The following DAB1 variants were observed in gnomAD, a reference collection of about 807,000 sequenced individuals.
DAB1 encodes disabled homolog 1.
Under a neutral mutation model 64.6 loss-of-function variants are expected in DAB1, and 15 were observed. The ratio of observed to expected loss-of-function variants is 0.23; its 90% CI spans 0.16 to 0.36. DAB1 has a LOEUF of 0.36. DAB1 is among the 10% of genes least tolerant of loss of function. The pLI is 1.00. For missense variants in DAB1, 596 were observed against 706.7 expected (o/e 0.84, Z 1.78); for synonymous variants, 235 against 251.9 (o/e 0.93, Z 0.64).
intron 3 of DAB1, among the ~76,000 whole-genome samples, chr1:58,441,471 G>A (rs1645007409): frequency 6.6e-6 from 1 of 152,222 alleles, no homozygotes; most frequent in African/African-American, 2.4e-5. Context: ...CCAAGGTCGA[G>A]TAATCAAGTC....
At chr1:57,562,448 T>C (rs1290165893) in intron 7 of DAB1, among the ~76,000 whole-genome samples, 2 of 152,212 alleles carry the variant, frequency 1.3e-5, no homozygotes, top group Non-Finnish European at 2.9e-5. Flanking sequence ...GGTCTTACCA[T>C]GTTCCCCATC....
At chr1:58,459,851 G>A (rs1424410421) in intron 3 of DAB1, among the ~76,000 whole-genome samples, 1 of 152,104 alleles carries the variant, frequency 6.6e-6, no homozygotes, top group Non-Finnish European at 1.5e-5. Flanking sequence ...GATGGTGCAT[G>A]CCTGTAATCC....
chr1:57,659,548 T>C (rs1646360151), intron 6 of DAB1, among the ~76,000 whole-genome samples: 1 of 152,210 alleles, frequency 6.6e-6, no homozygotes, highest in Non-Finnish European at 1.5e-5. Context: ...TTACTTGCTA[T>C]GTGACCTTGA....
At chr1:58,469,361 A>G (rs915656822) in intron 3 of DAB1, among the ~76,000 whole-genome samples, 22 of 152,196 alleles carry the variant, frequency 1.4e-4, no homozygotes, top group African/African-American at 4.6e-4. Flanking sequence ...ATTAAAAAAC[A>G]TGATGTAAGC....
chr1:57,064,728 G>A (rs574038721), intron 8 of DAB1, among the ~76,000 whole-genome samples: 2 of 151,886 alleles, frequency 1.3e-5, no homozygotes, highest in Non-Finnish European at 2.9e-5. Context: ...CACATCCTAT[G>A]TTCCCAGAAG....
chr1:57,135,929 C>T (rs1304783050), intron 4 of DAB1, among the ~76,000 whole-genome samples: 1 of 152,018 alleles, frequency 6.6e-6, no homozygotes, highest in African/African-American at 2.4e-5. Context: ...TTCCTCTTAC[C>T]CCAAATGAAC....
intron 1 of DAB1, among the ~76,000 whole-genome samples, chr1:57,837,427 C>T (rs1408562178): frequency 6.6e-6 from 1 of 152,092 alleles, no homozygotes; most frequent in Non-Finnish European, 1.5e-5. Flanking sequence ...TGGCCTGAAA[C>T]AGGGTTATTC....
chr1:58,487,716 T>C (rs1267008789), intron 3 of DAB1, among the ~76,000 whole-genome samples: 4 of 152,190 alleles, frequency 2.6e-5, no homozygotes, highest in Non-Finnish European at 5.9e-5. Context: ...ATTTGTAAAT[T>C]AGTAATTTGA....
rs1645436996 is a variant in DAB1 at position 57,590,773 on chromosome 1, CACACACACA to C, written n.625+58810_625+58818del. The stretch of plus-strand genomic sequence containing the variant: ...ACACACACACACACACACACACACA[CACACACACA>C]CCCCACTCACATATTCTTACCCTAT... On this transcript the variant is annotated intron_variant and non_coding_transcript_variant, in intron 7 of 20. Coordinates refer to the DAB1 transcript ENST00000485760. 1.3e-5 allele frequency among the ~76,000 whole-genome samples: 2 copies of C among 151,250 alleles called. 1 individual carries two copies. The highest frequency in any genetic ancestry group is 4.2e-4 in the South Asian group (2 of 4,804).
At chr1:57,430,830 G>A (rs1246042615) in intron 7 of DAB1, among the ~76,000 whole-genome samples, 1 of 151,446 alleles carries the variant, frequency 6.6e-6, no homozygotes, top group African/African-American at 2.4e-5. Context: ...AATAAGAAAG[G>A]TCTATCCTTT....
intron 7 of DAB1, among the ~76,000 whole-genome samples, chr1:57,627,104 T>C (rs1389132883): frequency 1.3e-5 from 2 of 152,138 alleles, no homozygotes; most frequent in South Asian, 2.1e-4. Context: ...AGGGCCTGAA[T>C]AGAACAAAAG....
intron 5 of DAB1, among the ~76,000 whole-genome samples, chr1:58,118,566 A>T (rs1652523125): frequency 1.8e-5 from 1 of 56,284 alleles, no homozygotes; most frequent in Non-Finnish European, 2.5e-5. Context: ...TATAAAATAC[A>T]TATATATATA....
downstream of DAB1, among the ~76,000 whole-genome samples, chr1:57,821,302 C>CATA (rs528221066): frequency 2.4e-4 from 36 of 151,962 alleles, no homozygotes; most frequent in Non-Finnish European, 1.8e-4. Context: ...AGATAGAGGG[C>CATA]ATAATAATAA....
intron 7 of DAB1, among the ~76,000 whole-genome samples, chr1:57,436,210 C>CGT (rs1685690239): frequency 1.3e-5 from 2 of 152,088 alleles, no homozygotes; most frequent in Non-Finnish European, 2.9e-5. Context: ...AGCCACCATG[C>CGT]CCGGCTGTGC....
In DAB1 at chr1:57,734,639, C is replaced by A. The variant is rs72664609; in HGVS notation, n.552-84974G>T. Among the ~76,000 whole-genome samples the A allele has an allele frequency of 8.3e-3, 1,270 of 152,320 alleles. 11 individuals are homozygous for A. Among genetic ancestry groups the A allele is most frequent in the Middle Eastern group, 0.017 (5 of 294 alleles). On this transcript the variant is annotated intron_variant and non_coding_transcript_variant, in intron 6 of 20. Transcript: ENST00000485760. ...GAACTTAAGTTTCAACTTCGCTTAA[C>A]CCTTGCTGATTCTTTTGGCCCTAGG...
chr1:58,510,602 C>T (rs1480241698), intron 2 of DAB1, among the ~76,000 whole-genome samples: 1 of 152,050 alleles, frequency 6.6e-6, no homozygotes, highest in African/African-American at 2.4e-5. Context: ...CTCTTCAATA[C>T]AGCACTGGGA....
intron 7 of DAB1, among the ~76,000 whole-genome samples, chr1:57,565,909 C>G (rs1645114569): frequency 6.6e-6 from 1 of 152,222 alleles, no homozygotes; most frequent in Non-Finnish European, 1.5e-5. Context: ...TGGAGCTCAG[C>G]TCTGCACCAA....
intron 3 of DAB1, among the ~76,000 whole-genome samples, chr1:58,481,856 T>C (rs1645489621): frequency 6.6e-6 from 1 of 152,228 alleles, no homozygotes. Context: ...TTTCTCCTCA[T>C]TCGCCTTCCA....
At chr1:58,017,602 C>T (rs1557611313) in intron 5 of DAB1, among the ~76,000 whole-genome samples, 1 of 152,180 alleles carries the variant, frequency 6.6e-6, no homozygotes, top group Non-Finnish European at 1.5e-5. Flanking sequence ...TCTGCTGCCA[C>T]CTTGGGCAAG....
Sources: gnomAD v4.1 joint callset for allele counts (sites outside exome capture counted in the v4.1 genomes callset) on GRCh38, gnomAD v4.1.1 for gene constraint, MANE v1.5 for transcripts, NCBI Gene and HGNC (gene_info 2026-07-23, HGNC 2026-07-21) for gene names.